The following VAC14 variants were observed in gnomAD, a reference collection of about 807,000 sequenced individuals.
VAC14 encodes VAC14 component of PIKFYVE complex, also known as protein VAC14 homolog.
VAC14 carries 47 observed loss-of-function variants against 85.3 expected under a neutral mutation model. The observed-to-expected ratio is 0.55, with a 90% CI of 0.44 to 0.70. VAC14 has a LOEUF of 0.70. Ranked by LOEUF, VAC14 falls within the 30% of genes least tolerant of loss-of-function variation. VAC14 has a pLI of 0.00. For synonymous variants in VAC14, 447 were observed against 430.5 expected (o/e 1.04, Z -0.47); for missense variants, 861 against 1,004.3 (o/e 0.86, Z 1.93).
At chr16:70,727,629 C>A (rs574158331) in intron 14 of VAC14, among the ~76,000 whole-genome samples, 1 of 152,374 alleles carries the variant, frequency 6.6e-6, no homozygotes, top group Non-Finnish European at 1.5e-5. Flanking sequence ...TGAGCCACTG[C>A]ACCCAGCCAA....
chr16:70,741,702 C>T (rs971706681), intron 13 of VAC14, among the ~76,000 whole-genome samples: 2 of 152,236 alleles, frequency 1.3e-5, no homozygotes, highest in Non-Finnish European at 2.9e-5. Context: ...GAGTTTCTTC[C>T]CATCTGGCAT....
rs570915903 is a variant in VAC14 at position 70,795,593 on chromosome 16, A to G, written c.104+5204T>C. On this transcript the variant is annotated intron_variant, in intron 1 of 18. Transcript: ENST00000261776. ...TGGTAGGCTCCGAAGAACCAGGTCAACCTTCACCTGTTCAACTTTCACCTG... is the reference window on the plus strand; with the variant it reads ...TGGTAGGCTCCGAAGAACCAGGTCAGCCTTCACCTGTTCAACTTTCACCTG... 2.6e-5 allele frequency among the ~76,000 whole-genome samples: 4 copies of G among 151,974 alleles called. No individual in the cohort carries two copies. The East Asian group carries it at 7.7e-4, about 29-fold the overall frequency.
chr16:70,786,043 G>T, intron 2 of VAC14, 172 bp downstream of exon 2: 2 of 1,350,004 alleles, frequency 1.5e-6, no homozygotes, highest in East Asian at 2.4e-5. Flanking sequence ...ATGCCTAGGG[G>T]ACCAGGCTGC....
Position 70,800,769 on chromosome 16 carries a change from G to C in VAC14, c.104+28C>G, listed in dbSNP as rs375671130. The C allele has an allele frequency of 2.6e-5, 41 of 1,594,602 alleles. No individual in the cohort carries two copies. The African/African-American group carries it at 3.2e-4, about 13-fold the overall frequency. On this transcript the variant is annotated intron_variant, in intron 1 of 18. Coordinates refer to ENST00000261776, the MANE Select transcript of VAC14 (RefSeq NM_018052.5). ...GAGCAGAGCAGTCAGGGGCTGCATA[G>C]CCAGGGAGGGGTCCTGGCGGCTCTT...
At chr16:70,757,975 C>T (rs543989385) in intron 12 of VAC14, among the ~76,000 whole-genome samples, 3 of 152,316 alleles carry the variant, frequency 2.0e-5, no homozygotes, top group Non-Finnish European at 2.9e-5. Context: ...ACCCAAAGCC[C>T]GTGCTCTTAA....
intron 18 of VAC14, chr16:70,690,549 C>G (rs929672478): frequency 9.1e-6 from 9 of 985,444 alleles, no homozygotes; most frequent in African/African-American, 8.7e-5. Context: ...GGCCCAGAAG[C>G]CAGGGGGTGG....
chr16:70,700,458 C>G (rs1198580462), intron 14 of VAC14, among the ~76,000 whole-genome samples: 1 of 152,236 alleles, frequency 6.6e-6, no homozygotes, highest in African/African-American at 2.4e-5. Flanking sequence ...GGTGTGATCT[C>G]AATGTCTCCG....
chr16:70,800,910 TG>T lies in VAC14; in HGVS notation c.-11del, dbSNP rs747416572. ...CCTTCTCGGGGTTCATGGTGGCAGC[TG>T]GGGGAACCTCGCGACTCCTTAGCCC... On this transcript the variant is annotated 5_prime_UTR_variant, in exon 1 of 19. Transcript: ENST00000261776. 4.5e-6 allele frequency: 7 copies of T among 1,570,370 alleles called. No homozygotes were observed. Among genetic ancestry groups the T allele is most frequent in the South Asian group, 3.4e-5 (3 of 88,142 alleles).
chr16:70,746,398 G>A (rs964546955), intron 12 of VAC14, among the ~76,000 whole-genome samples: 11 of 152,208 alleles, frequency 7.2e-5, no homozygotes, highest in African/African-American at 2.7e-4. Context: ...GTGGGCCCCT[G>A]GGACCCTGCT....
chr16:70,748,877 T>C (rs2031142011), intron 12 of VAC14, among the ~76,000 whole-genome samples: 1 of 152,126 alleles, frequency 6.6e-6, no homozygotes, highest in Non-Finnish European at 1.5e-5. Flanking sequence ...GCAGAGGCTG[T>C]AGTGAGCTGA....
intron 14 of VAC14, among the ~76,000 whole-genome samples, chr16:70,704,826 C>T (rs922038648): frequency 2.0e-5 from 3 of 152,196 alleles, no homozygotes; most frequent in Non-Finnish European, 2.9e-5. Context: ...GGGCAAAGGA[C>T]GGAGCTTGGG....
At position 70,800,858 on chromosome 16, in the gene VAC14, C is replaced by A. The variant is rs772260373; in HGVS notation, c.43G>T (p.Val15Leu). Residue 15 changes from valine (V) to leucine (L), a missense_variant, in exon 1 of 19, where the codon GTG becomes TTG. By Grantham distance (32) the Val-to-Leu change is conservative (BLOSUM62 1). Coordinates refer to ENST00000261776, the MANE Select transcript of VAC14 (RefSeq NM_018052.5). ...TACAGCTTGTCATTGAGGGCGCGCA[C>A]GATGTTAGGCGTGAGCGGCGCGAAA... ...KDFAPLTPNI[V>L]RALNDKLYEK... is the part of the protein sequence containing the mutation. 1 of 1,606,456 alleles carries A rather than the reference C, an allele frequency of 6.2e-7. No individual in the cohort carries two copies. Among genetic ancestry groups the A allele is most frequent in the Non-Finnish European group, 8.5e-7 (1 of 1,176,518 alleles).
intron 14 of VAC14, among the ~76,000 whole-genome samples, chr16:70,713,405 C>T (rs1298295138): frequency 6.6e-6 from 1 of 152,236 alleles, no homozygotes; most frequent in Non-Finnish European, 1.5e-5. Context: ...ATTCTGGGTG[C>T]TGTTTGAATC....
At chr16:70,743,487 G>GT (rs367632384) in intron 13 of VAC14, among the ~76,000 whole-genome samples, 9 of 152,330 alleles carry the variant, frequency 5.9e-5, no homozygotes, top group African/African-American at 9.6e-5. Flanking sequence ...TTTAACAGCT[G>GT]TAACACTTGC....
At chr16:70,702,123 G>A (rs1196005574) in intron 14 of VAC14, among the ~76,000 whole-genome samples, 1 of 152,226 alleles carries the variant, frequency 6.6e-6, no homozygotes, top group East Asian at 1.9e-4. Context: ...CCCTCCGCCA[G>A]GCCAGCGCAT....
chr16:70,771,957 T>A, intron 10 of VAC14, 152 bp downstream of exon 10: 3 of 683,212 alleles, frequency 4.4e-6, no homozygotes, highest in Non-Finnish European at 5.0e-6. Context: ...TTCAGATTCC[T>A]TCATCAATTA....
At chr16:70,730,969 T>C (rs1191779512) in intron 14 of VAC14, among the ~76,000 whole-genome samples, 7 of 152,210 alleles carry the variant, frequency 4.6e-5, no homozygotes, top group African/African-American at 1.7e-4. Context: ...CTGCTACTTC[T>C]TGGAGCTGAG....
At chr16:70,731,280 C>T (rs745727249) in intron 14 of VAC14, 222 of 1,325,446 alleles carry the variant, frequency 1.7e-4, no homozygotes, top group Admixed American at 4.0e-4. Flanking sequence ...TTCAGTTGTG[C>T]GGAAAAACAT....
chr16:70,746,371 T>C (rs1200635311), intron 12 of VAC14, among the ~76,000 whole-genome samples: 1 of 152,180 alleles, frequency 6.6e-6, no homozygotes, highest in African/African-American at 2.4e-5. Flanking sequence ...CTCCCACTCA[T>C]GGAGACTGGG....
Sources: allele counts gnomAD v4.1 joint callset (sites outside exome capture counted in the v4.1 genomes callset), GRCh38; gene constraint gnomAD v4.1.1; transcripts MANE v1.5; gene names NCBI Gene and HGNC (gene_info 2026-07-23, HGNC 2026-07-21).